The following DIPK2B variants were observed in gnomAD, a reference collection of about 807,000 sequenced individuals.
DIPK2B encodes the protein divergent protein kinase domain 2B.
Under a neutral mutation model 22.2 loss-of-function variants are expected in DIPK2B, and 15 were observed. The observed-to-expected ratio is 0.68, with a 90% CI of 0.45 to 1.04. The LOEUF is 1.04. Among genes scored for constraint, DIPK2B ranks in the 50% least tolerant of loss-of-function variants. The pLI is 0.00. For missense variants in DIPK2B, 345 were observed against 348.3 expected (o/e 0.99, Z 0.08); for synonymous variants, 163 against 153.2 (o/e 1.06, Z -0.47).
At chrX:45,173,465 T>G (rs1382510940) in intron 2 of DIPK2B, among the ~76,000 whole-genome samples, 1 of 110,941 alleles carries the variant, frequency 9.0e-6, no homozygotes, top group Non-Finnish European at 1.9e-5. Flanking sequence ...GAGAAGCTCC[T>G]GGTACACTGA....
intron 2 of DIPK2B, among the ~76,000 whole-genome samples, chrX:45,185,577 C>T (rs922745699): frequency 7.3e-5 from 8 of 110,164 alleles, no homozygotes; most frequent in African/African-American, 2.3e-4. Flanking sequence ...CTTCTCTTGC[C>T]TCCTTTTTCT....
chrX:45,160,291 T>A (rs954816820), intron 2 of DIPK2B, among the ~76,000 whole-genome samples: 40 of 110,132 alleles, frequency 3.6e-4, no homozygotes, highest in African/African-American at 1.3e-3. Context: ...CACTGCAACC[T>A]CCGGCTCCCA....
chrX:45,174,136 C>A, intron 2 of DIPK2B, among the ~76,000 whole-genome samples: 1 of 111,614 alleles, frequency 9.0e-6, no homozygotes, highest in Non-Finnish European at 1.9e-5. Flanking sequence ...CCAGGTCTGT[C>A]ACTAGGCTCA....
At chrX:45,171,176 C>CG (rs1448528546) in intron 2 of DIPK2B, among the ~76,000 whole-genome samples, 1 of 111,031 alleles carries the variant, frequency 9.0e-6, no homozygotes, top group Non-Finnish European at 1.9e-5. Context: ...TGGACATCAT[C>CG]GGGCTTATGG....
intron 1 of DIPK2B, among the ~76,000 whole-genome samples, chrX:45,197,822 C>T (rs764624427): frequency 8.9e-6 from 1 of 111,758 alleles, no homozygotes; most frequent in Admixed American, 9.5e-5. Flanking sequence ...AGAAATTTCA[C>T]TTTTAGGAGT....
chrX:45,192,102 A>G, intron 1 of DIPK2B, 87 bp from the exon 2 acceptor site: 4 of 930,290 alleles, frequency 4.3e-6, no homozygotes, highest in Non-Finnish European at 5.8e-6. Flanking sequence ...ACAATAGCCC[A>G]ACTGATCCAT....
intron 2 of DIPK2B, among the ~76,000 whole-genome samples, chrX:45,175,848 G>A (rs2047115305): frequency 9.4e-6 from 1 of 106,815 alleles, no homozygotes; most frequent in African/African-American, 3.4e-5. Context: ...CCATTTTTTG[G>A]GAGGGTAGCA....
chrX:45,162,635 C>T (rs928562239), intron 2 of DIPK2B: 2 of 752,965 alleles, frequency 2.7e-6, no homozygotes, highest in Non-Finnish European at 1.6e-6. Context: ...TTGGGGATTA[C>T]CAATTGCTTT....
chrX:45,194,922 T>C (rs2047231187), intron 1 of DIPK2B, among the ~76,000 whole-genome samples: 1 of 111,357 alleles, frequency 9.0e-6, no homozygotes, highest in African/African-American at 3.3e-5. Context: ...TTTTTTTCTG[T>C]CCCCACCTCC....
At chrX:45,166,307 C>T (rs1246708231) in intron 2 of DIPK2B, among the ~76,000 whole-genome samples, 1 of 111,123 alleles carries the variant, frequency 9.0e-6, no homozygotes, top group Non-Finnish European at 1.9e-5. Context: ...ATGGCCTTAC[C>T]ACAAACACCT....
intron 1 of DIPK2B, among the ~76,000 whole-genome samples, chrX:45,193,484 T>TA (rs1405232009): frequency 9.0e-6 from 1 of 111,401 alleles, no homozygotes; most frequent in Non-Finnish European, 1.9e-5. Flanking sequence ...AAGCTTTTCC[T>TA]ACTGTTTTGA....
chrX:45,175,069 T>C, intron 2 of DIPK2B, among the ~76,000 whole-genome samples: 1 of 111,659 alleles, frequency 9.0e-6, no homozygotes, highest in Non-Finnish European at 1.9e-5. Context: ...TATAAATCTC[T>C]CTAAGCCTCA....
At chrX:45,166,429 T>A (rs1187391473) in intron 2 of DIPK2B, among the ~76,000 whole-genome samples, 2 of 110,739 alleles carry the variant, frequency 1.8e-5, no homozygotes, top group Non-Finnish European at 3.8e-5. Context: ...GGGCAGCGGG[T>A]TAGGATTGGA....
At chrX:45,194,944 C>T (rs1342874446) in intron 1 of DIPK2B, among the ~76,000 whole-genome samples, 1 of 111,812 alleles carries the variant, frequency 8.9e-6, no homozygotes, top group Non-Finnish European at 1.9e-5. Context: ...AAGGAGGCTC[C>T]GCTGAGACGA....
intron 2 of DIPK2B, among the ~76,000 whole-genome samples, 195 bp from the exon 3 acceptor site, chrX:45,158,083 T>C (rs1254234553): frequency 1.3e-5 from 1 of 78,329 alleles, no homozygotes; most frequent in Non-Finnish European, 2.4e-5. Context: ...TGGGTAGCTC[T>C]GCCCAGGCGG....
At chrX:45,190,485 A>G (rs1280603931) in intron 2 of DIPK2B, among the ~76,000 whole-genome samples, 1 of 111,372 alleles carries the variant, frequency 9.0e-6, no homozygotes, top group Non-Finnish European at 1.9e-5. Flanking sequence ...CATATCAACT[A>G]TAATGCCGGG....
intron 2 of DIPK2B, among the ~76,000 whole-genome samples, chrX:45,180,455 A>G (rs530997629): frequency 2.7e-5 from 3 of 111,947 alleles, no homozygotes; most frequent in Non-Finnish European, 3.8e-5. Flanking sequence ...TTATGCTACT[A>G]TCACCACTCT....
At chrX:45,197,338 A>G in intron 1 of DIPK2B, among the ~76,000 whole-genome samples, 1 of 111,060 alleles carries the variant, frequency 9.0e-6, no homozygotes, top group Middle Eastern at 4.6e-3. Flanking sequence ...CCCGGGTTCA[A>G]GCAATTCTCC....
chrX:45,175,449 A>G (rs1290870582), intron 2 of DIPK2B, among the ~76,000 whole-genome samples: 2 of 109,338 alleles, frequency 1.8e-5, no homozygotes, highest in African/African-American at 3.3e-5. Context: ...ACTTTTAACC[A>G]TGTTAAATAT....
Sources: gnomAD v4.1 joint callset for allele counts (sites outside exome capture counted in the v4.1 genomes callset) on GRCh38, gnomAD v4.1.1 for gene constraint, MANE v1.5 for transcripts, NCBI Gene and HGNC (gene_info 2026-07-23, HGNC 2026-07-21) for gene names.